Variants in TAF4 observed in about 807,000 individuals in gnomAD.
TAF4 encodes transcription initiation factor TFIID subunit 4.
TAF4 carries 9 observed loss-of-function variants against 90.3 expected under a neutral mutation model. The observed-to-expected ratio is 0.10, with a 90% CI of 0.06 to 0.17. The LOEUF is 0.17. TAF4 is among the 10% of genes least tolerant of loss of function. TAF4 has a pLI of 1.00. For missense variants in TAF4, 1,351 were observed against 1,370.7 expected, an observed-to-expected ratio of 0.99 and a Z score of 0.23; for synonymous variants, 818 against 638.9, an observed-to-expected ratio of 1.28 and a Z score of -4.23.
Position 62,065,274 on chromosome 20 carries a change from G to GCCGGGC in TAF4, c.536_537insGCCCGG (p.Pro186_Gly187dup), listed in dbSNP as rs1439876929. Reference sequence around the variant, plus strand: ...TGCCAGGGCCAGGGCCGGGGCCGGGGCCGGGGCCGGGCCCGGGGCCGGGGC... The same window carrying GCCGGGC: ...TGCCAGGGCCAGGGCCGGGGCCGGGGCCGGGCCCGGGGCCGGGCCCGGGGCCGGGGC... On this transcript the variant is annotated inframe_insertion, in exon 1 of 15. Transcript: ENST00000252996. The GCCGGGC allele has an allele frequency of 9.9e-5, 92 of 928,540 alleles. No homozygotes were observed. The Admixed American group carries it at 3.5e-3, about 35-fold the overall frequency. 57.5% of individuals were successfully genotyped at this position (928,540 alleles called of 1,614,324 possible). A position where few individuals can be genotyped will look rare whatever the true frequency, so the allele number is the denominator to read the frequency against.
chr20:62,049,937 C>G (rs2056016942), intron 1 of TAF4, among the ~76,000 whole-genome samples: 1 of 152,172 alleles, frequency 6.6e-6, no homozygotes, highest in African/African-American at 2.4e-5. Context: ...TTCAGACCTG[C>G]TGCAGAAACC....
intron 13 of TAF4, 39 bp from the exon 14 acceptor site, chr20:61,997,708 G>C: frequency 6.3e-7 from 1 of 1,585,062 alleles, no homozygotes; most frequent in Non-Finnish European, 8.6e-7. Flanking sequence ...ATCATTTCTT[G>C]CATGTTTTTT....
intron 1 of TAF4, among the ~76,000 whole-genome samples, chr20:62,056,836 T>C (rs982937876): frequency 2.0e-5 from 3 of 152,184 alleles, no homozygotes; most frequent in Non-Finnish European, 2.9e-5. Context: ...AAAAAAATCA[T>C]GTTGAAGTAA....
chr20:62,023,307 G>T (rs2145486554), intron 1 of TAF4, among the ~76,000 whole-genome samples: 1 of 151,690 alleles, frequency 6.6e-6, no homozygotes. Flanking sequence ...GTTGGGCATG[G>T]TGGTGCACCC....
At chr20:62,033,368 G>A (rs55881457) in intron 1 of TAF4, among the ~76,000 whole-genome samples, 82,613 of 152,022 alleles carry the variant, frequency 0.54, 22,889 homozygotes, top group Middle Eastern at 0.66. Flanking sequence ...CATTTGATAC[G>A]ATCCAACATC....
chr20:61,986,820 G>A (rs1297667289), intron 14 of TAF4, among the ~76,000 whole-genome samples: 2 of 152,276 alleles, frequency 1.3e-5, no homozygotes, highest in Admixed American at 1.3e-4. Context: ...AAATAAGGGA[G>A]ACGGGGCAGC....
chr20:62,030,151 G>A (rs1405000469), intron 1 of TAF4, among the ~76,000 whole-genome samples: 6 of 152,086 alleles, frequency 3.9e-5, no homozygotes, highest in Non-Finnish European at 7.4e-5. Flanking sequence ...AGGAGAGGAG[G>A]CAGCAGAGGC....
intron 5 of TAF4, 165 bp downstream of exon 5, chr20:62,008,887 A>T: frequency 1.1e-6 from 1 of 885,996 alleles, no homozygotes; most frequent in Non-Finnish European, 1.6e-6. Flanking sequence ...TAGCTAGGCC[A>T]CACACGCCTT....
chr20:62,064,930 G>T lies in TAF4; in HGVS notation c.881C>A (p.Ala294Glu), dbSNP rs2056116192. ...PGHPAGPPTA[A>E]PAVPPPAAAQ... ...GGCGGCGGGGGGCGGCACGGCGGGCGCGGCGGTCGGGGGTCCGGCGGGGTG... is the reference window on the plus strand; with the variant it reads ...GGCGGCGGGGGGCGGCACGGCGGGCTCGGCGGTCGGGGGTCCGGCGGGGTG... Residue 294 changes from alanine (A) to glutamate (E), a missense_variant, in exon 1 of 15, where the codon GCG becomes GAG. Physicochemically the swap from Ala to Glu is moderately radical, Grantham distance 107. This residue lies in a region of TAF4 where 782 missense variants were observed against 536.6 expected (regional missense o/e 1.46). Coordinates refer to ENST00000252996, the MANE Select transcript of TAF4 (RefSeq NM_003185.4). The T allele has an allele frequency of 3.3e-6, 2 of 600,954 alleles. No individual in the cohort carries two copies. The highest frequency in any genetic ancestry group is 7.1e-5 in the South Asian group (1 of 14,088). 37.2% of individuals were successfully genotyped at this position (600,954 alleles called of 1,614,324 possible).
intron 1 of TAF4, among the ~76,000 whole-genome samples, chr20:62,039,022 C>T (rs2055949268): frequency 6.6e-6 from 1 of 152,126 alleles, no homozygotes; most frequent in Non-Finnish European, 1.5e-5. Flanking sequence ...CACTGCACTC[C>T]AGGAAAAGAT....
chr20:62,034,872 G>A (rs1194581922), intron 1 of TAF4, among the ~76,000 whole-genome samples: 1 of 146,612 alleles, frequency 6.8e-6, no homozygotes, highest in Non-Finnish European at 1.5e-5. Flanking sequence ...CCAGGCTGGA[G>A]TACAGTGGCG....
intron 2 of TAF4, 128 bp from the exon 3 acceptor site, chr20:62,013,062 T>C (rs2055788984): frequency 3.8e-6 from 5 of 1,326,356 alleles, no homozygotes; most frequent in Non-Finnish European, 5.0e-6. Flanking sequence ...ATCCGTGATC[T>C]GCAATGAAGC....
chr20:62,045,401 C>T (rs2055987438), intron 1 of TAF4, among the ~76,000 whole-genome samples: 1 of 152,196 alleles, frequency 6.6e-6, no homozygotes, highest in African/African-American at 2.4e-5. Flanking sequence ...CTTTCAACAG[C>T]GCGCCTGTTT....
At chr20:62,039,008 G>GT (rs2055949193) in intron 1 of TAF4, among the ~76,000 whole-genome samples, 1 of 152,188 alleles carries the variant, frequency 6.6e-6, no homozygotes, top group Admixed American at 6.5e-5. Flanking sequence ...AGCCAAGATC[G>GT]TGCCACTGCA....
chr20:61,982,818 G>A (rs925792976), intron 14 of TAF4, among the ~76,000 whole-genome samples: 4 of 152,198 alleles, frequency 2.6e-5, no homozygotes, highest in East Asian at 1.9e-4. Context: ...CAGGGCTGCC[G>A]GGGAGGAAGA....
chr20:62,065,753 TCTCGTCCACCTCGCTGTTGAAGAAGAC>T lies in TAF4; in HGVS notation c.31_57del (p.Val11_Glu19del), dbSNP rs1444184559. 7.4e-7 allele frequency: 1 copy of T among 1,342,910 alleles called. No individual in the cohort carries two copies. The highest frequency in any genetic ancestry group is 9.7e-7 in the Non-Finnish European group (1 of 1,029,568). 83.2% of individuals were successfully genotyped at this position (1,342,910 alleles called of 1,614,324 possible). On this transcript the variant is annotated inframe_deletion, in exon 1 of 15. Coordinates refer to ENST00000252996, the MANE Select transcript of TAF4 (RefSeq NM_003185.4). ...GAGCCCACCAGGTCGCTCACCACTT[TCTCGTCCACCTCGCTGTTGAAGAAGAC>T]CTCGTCCAGCAGATCCGAGCCCGCC...
intron 1 of TAF4, among the ~76,000 whole-genome samples, chr20:62,059,987 G>A (rs2056080589): frequency 1.3e-5 from 2 of 152,248 alleles, no homozygotes; most frequent in South Asian, 2.1e-4. Context: ...AGGTAGAACA[G>A]GAACTGTCTC....
chr20:62,059,466 G>C (rs924177645), intron 1 of TAF4, among the ~76,000 whole-genome samples: 1 of 152,124 alleles, frequency 6.6e-6, no homozygotes, highest in Admixed American at 6.6e-5. Context: ...ATTATTCCAC[G>C]CAAGAATTGG....
At chr20:62,045,180 C>G (rs2055986162) in intron 1 of TAF4, among the ~76,000 whole-genome samples, 1 of 152,216 alleles carries the variant, frequency 6.6e-6, no homozygotes, top group African/African-American at 2.4e-5. Context: ...CCATGCCGCT[C>G]AAACGGAATC....
Sources: gnomAD v4.1 joint callset for allele counts (sites outside exome capture counted in the v4.1 genomes callset) on GRCh38, gnomAD v4.1.1 for gene constraint, gnomAD v4.1.1 regional missense constraint, MANE v1.5 for transcripts, NCBI Gene and HGNC (gene_info 2026-07-23, HGNC 2026-07-21) for gene names.